The following CHDH variants were observed in gnomAD, a reference collection of about 807,000 sequenced individuals.
CHDH encodes the protein choline dehydrogenase, also known as choline dehydrogenase, mitochondrial.
In CHDH, 43 loss-of-function variants were observed where a neutral mutation model predicts 56.9. That is an observed-to-expected ratio of 0.76 (90% CI 0.59 to 0.97). The LOEUF is 0.97. CHDH is among the 50% of genes least tolerant of loss of function. CHDH has a pLI of 0.00. For synonymous variants in CHDH, 364 were observed against 348.5 expected (o/e 1.04, Z -0.50); for missense variants, 816 against 821.1 (o/e 0.99, Z 0.08).
Position 53,822,678 on chromosome 3 carries a change from G to A in CHDH, c.704-36C>T, listed in dbSNP as rs780776954. 7 of 1,588,332 alleles carry A rather than the reference G, an allele frequency of 4.4e-6. No individual in the cohort carries two copies. The South Asian group carries it at 5.5e-5, about 13-fold the overall frequency. ...GAGTGAGGTGGTCAGGCATGGCTCC[G>A]CCCTCCCCTGGCACCTGGGCAGGAG... On this transcript the variant is annotated intron_variant, in intron 3 of 8. Transcript: ENST00000315251.
At chr3:53,824,793 A>G (rs1464975925) in intron 2 of CHDH, among the ~76,000 whole-genome samples, 2 of 152,234 alleles carry the variant, frequency 1.3e-5, no homozygotes, top group African/African-American at 4.8e-5. Context: ...GAGGTAGAAA[A>G]GAAACAGGAT....
chr3:53,843,178 CCCCCCCCA>C (rs1378164623), intron 1 of CHDH, among the ~76,000 whole-genome samples: 1 of 81,568 alleles, frequency 1.2e-5, no homozygotes, highest in African/African-American at 4.1e-5. Context: ...TAGGGAATTT[CCCCCCCCA>C]CCTTTTTTTT....
chr3:53,818,910 C>T (rs746577979), intron 8 of CHDH, 28 bp downstream of exon 8: 5 of 1,411,018 alleles, frequency 3.5e-6, no homozygotes, highest in Non-Finnish European at 1.0e-6. Context: ...TTTGTTCAAG[C>T]CCAGGAAGAC....
rs376188645 is a variant in CHDH at position 53,820,466 on chromosome 3, G to A, written c.1120+8C>T. On this transcript the variant is annotated splice_region_variant and intron_variant, in intron 6 of 8. Coordinates refer to ENST00000315251, the MANE Select transcript of CHDH (RefSeq NM_018397.5). The stretch of plus-strand genomic sequence containing the variant: ...GTCTCCTCCCAGGTTACTGGTAAGC[G>A]TGCTCACCTGTGAATTTCCAGAGCC... 51 of 1,607,292 alleles carry A rather than the reference G, an allele frequency of 3.2e-5. 1 individual carries two copies. Among genetic ancestry groups the A allele is most frequent in the South Asian group, 2.5e-4 (22 of 89,500 alleles).
At chr3:53,830,597 C>T (rs568368928) in intron 2 of CHDH, among the ~76,000 whole-genome samples, 1 of 152,160 alleles carries the variant, frequency 6.6e-6, no homozygotes, top group African/African-American at 2.4e-5. Flanking sequence ...AGAAGCTAGA[C>T]AGAAGATCAG....
Position 53,816,185 on chromosome 3 carries a change from G to A in CHDH, c.*1592C>T, listed in dbSNP as rs1469419762. ...GCCGCCCCAATCCTCTCAGATCCGA[G>A]CAAAGCCTGGAATCCCCCAATTTCC... On this transcript the variant is annotated 3_prime_UTR_variant, in exon 9 of 9. Coordinates refer to ENST00000315251, the MANE Select transcript of CHDH (RefSeq NM_018397.5). The A allele has an allele frequency of 9.3e-6, 1 of 107,556 alleles. No homozygotes were observed. Among genetic ancestry groups the A allele is most frequent in the Non-Finnish European group, 1.7e-5 (1 of 58,446 alleles). The allele number at this position is 107,556 out of a possible 1,614,324, so 6.7% of individuals were successfully genotyped here.
At chr3:53,834,959 C>T (rs1013922087) in intron 2 of CHDH, among the ~76,000 whole-genome samples, 7 of 152,224 alleles carry the variant, frequency 4.6e-5, no homozygotes, top group Non-Finnish European at 8.8e-5. Context: ...CTTGCTCAGC[C>T]TTTGAGGAGC....
At position 53,825,022 on chromosome 3, in the gene CHDH, G is replaced by C. The variant is rs1400382064; in HGVS notation, c.-59-955C>G. Among the ~76,000 whole-genome samples, 5 of 152,228 alleles carry C rather than the reference G, an allele frequency of 3.3e-5. 1 individual carries two copies. Among genetic ancestry groups the C allele is most frequent in the African/African-American group, 1.2e-4 (5 of 41,450 alleles). On this transcript the variant is annotated intron_variant, in intron 2 of 8. Transcript: ENST00000315251. ...CACCGTTGCACAGGCATAGGAGACA[G>C]AGGTGGCGGGGCCTCCTGAATGGTA...
chr3:53,835,333 ACTCAT>A (rs1228517936), intron 2 of CHDH, among the ~76,000 whole-genome samples: 1 of 152,192 alleles, frequency 6.6e-6, no homozygotes, highest in African/African-American at 2.4e-5. Flanking sequence ...AAGCTCAGCT[ACTCAT>A]GAGCTTCAAA....
At position 53,819,465 on chromosome 3, in the gene CHDH, T is replaced by A. The variant is rs2095621913; in HGVS notation, c.1263+67A>T. ...CCAGGGAGAATGCTGCCTTGGAAGA[T>A]GGGAGCATCTTCCTTCCTGGTGGGA... On this transcript the variant is annotated intron_variant, in intron 7 of 8. Coordinates refer to ENST00000315251, the MANE Select transcript of CHDH (RefSeq NM_018397.5). The surrounding 1 kb of genome is among the most constrained non-coding windows in gnomAD (Gnocchi z 5.4). 1 of 1,544,236 alleles carries A rather than the reference T, an allele frequency of 6.5e-7. No homozygotes were observed. The highest frequency in any genetic ancestry group is 8.7e-7 in the Non-Finnish European group (1 of 1,143,360).
chr3:53,834,909 C>A (rs571804365), intron 2 of CHDH, among the ~76,000 whole-genome samples: 13 of 152,328 alleles, frequency 8.5e-5, no homozygotes, highest in Admixed American at 8.5e-4. Context: ...AGAGGCCGAG[C>A]CACACCAGCC....
In CHDH at chr3:53,839,315, G is replaced by C. The variant is rs117673033; in HGVS notation, c.-60+1614C>G. On this transcript the variant is annotated intron_variant, in intron 2 of 8. Transcript: ENST00000315251. ...GCAAAGGTCAGAGCAACTTGCAAAG[G>C]TCCATCATCAGCAGAATCCAAGTGC... Among the ~76,000 whole-genome samples, 1,138 of 152,274 alleles carry C rather than the reference G, an allele frequency of 7.5e-3. 31 individuals are homozygous for C. In the East Asian group the frequency reaches 0.091, roughly 12 times the overall value.
chr3:53,835,762 G>C (rs1037586655), intron 2 of CHDH, among the ~76,000 whole-genome samples: 3 of 152,188 alleles, frequency 2.0e-5, no homozygotes, highest in African/African-American at 7.2e-5. Context: ...CCCCTGCTGA[G>C]CACGTCACAT....
chr3:53,819,604 G>A lies in CHDH; in HGVS notation c.1191C>T (p.Asp397=), dbSNP rs1444661085. The A allele has an allele frequency of 1.2e-6, 2 of 1,612,816 alleles. No individual in the cohort carries two copies. Among genetic ancestry groups the A allele is most frequent in the Admixed American group, 1.7e-5 (1 of 59,946 alleles). ...IRSQPGVPHP[D]IQFHFLPSQV... ...GGGATGGCAGGAAATGGAACTGGAT[G>A]TCCGGGTGGGGGACCCCAGGCTGGC... Residue 397 remains aspartate (D), a synonymous_variant, in exon 7 of 9, where the codon GAC becomes GAT. Coordinates refer to ENST00000315251, the MANE Select transcript of CHDH (RefSeq NM_018397.5). This position sits in a 1 kb window ranked among gnomAD's most constrained non-coding sequence, Gnocchi z 5.4.
intron 6 of CHDH, among the ~76,000 whole-genome samples, chr3:53,820,224 G>GAGT (rs1350863174): frequency 6.6e-6 from 1 of 152,184 alleles, no homozygotes; most frequent in African/African-American, 2.4e-5. Flanking sequence ...AAGCCCCGAG[G>GAGT]AGTCTCACCT....
chr3:53,844,934 T>C (rs1456471116), intron 1 of CHDH, among the ~76,000 whole-genome samples: 1 of 152,276 alleles, frequency 6.6e-6, no homozygotes, highest in East Asian at 1.9e-4. Context: ...AGGCGGGTAC[T>C]TGTGTCCTTG....
intron 2 of CHDH, among the ~76,000 whole-genome samples, chr3:53,836,541 G>C (rs1698501369): frequency 6.6e-6 from 1 of 152,228 alleles, no homozygotes; most frequent in African/African-American, 2.4e-5. Flanking sequence ...CATCCATCCT[G>C]GGACTTCTCT....
chr3:53,831,101 G>A (rs1698319052), intron 2 of CHDH, among the ~76,000 whole-genome samples: 1 of 152,206 alleles, frequency 6.6e-6, no homozygotes, highest in Admixed American at 6.5e-5. Context: ...GAGCCCTTGG[G>A]CCTTAAGTGA....
At chr3:53,837,378 C>T (rs1004714943) in intron 2 of CHDH, among the ~76,000 whole-genome samples, 1 of 152,212 alleles carries the variant, frequency 6.6e-6, no homozygotes, top group Admixed American at 6.5e-5. Context: ...CGGGCGTAGC[C>T]CACCTGCCCT....
Sources: allele counts gnomAD v4.1 joint callset (sites outside exome capture counted in the v4.1 genomes callset), GRCh38; gene constraint gnomAD v4.1.1; non-coding constraint Gnocchi (gnomAD v3.1); transcripts MANE v1.5; gene names NCBI Gene and HGNC (gene_info 2026-07-23, HGNC 2026-07-21).